Variants in VPS13A observed in about 807,000 individuals in gnomAD.
VPS13A encodes intermembrane lipid transfer protein VPS13A.
Under a neutral mutation model 390.9 loss-of-function variants are expected in VPS13A, and 264 were observed. That is an observed-to-expected ratio of 0.68 (90% CI 0.61 to 0.75). The LOEUF (loss-of-function observed/expected upper bound fraction) is 0.75. Ranked by LOEUF, VPS13A falls within the 30% of genes least tolerant of loss-of-function variation. The pLI is 0.00. For synonymous variants in VPS13A, 1,231 were observed against 1,227.1 expected (o/e 1.00, Z -0.07); for missense variants, 3,409 against 3,733.9 (o/e 0.91, Z 2.27).
intron 17 of VPS13A, among the ~76,000 whole-genome samples, chr9:77,236,080 C>G (rs1484770864): frequency 1.3e-5 from 2 of 152,104 alleles, no homozygotes; most frequent in African/African-American, 4.8e-5. Context: ...GTAGGCTAGG[C>G]TAGGCTATGA....
chr9:77,356,892 A>G (rs763112886), intron 55 of VPS13A, 25 bp downstream of exon 55: 1 of 1,612,360 alleles, frequency 6.2e-7, no homozygotes, highest in Admixed American at 1.7e-5. Flanking sequence ...TACTGATGTG[A>G]AGTTTTAATT....
At chr9:77,348,468 C>T (rs1831283610) in intron 52 of VPS13A, among the ~76,000 whole-genome samples, 1 of 152,048 alleles carries the variant, frequency 6.6e-6, no homozygotes, top group East Asian at 1.9e-4. Flanking sequence ...CTGTTGGGGG[C>T]ATGGTGGCAG....
intron 59 of VPS13A, among the ~76,000 whole-genome samples, chr9:77,363,039 G>C (rs12345933): frequency 6.6e-6 from 1 of 151,866 alleles, no homozygotes; most frequent in Non-Finnish European, 1.5e-5. Context: ...ACATAAGATC[G>C]TGTCATCTGA....
chr9:77,400,668 C>CA (rs796098221), intron 68 of VPS13A, among the ~76,000 whole-genome samples: 60 of 145,934 alleles, frequency 4.1e-4, no homozygotes, highest in Admixed American at 9.6e-4. Context: ...ACTAAAAATA[C>CA]AAAAAAAAAA....
Position 77,200,530 on chromosome 9 carries a change from T to C in VPS13A, c.144+542T>C, listed in dbSNP as rs115002931. ...AAAACAAACATACAAAAAATACAGATGTTTTTATTTCAAATTTTTAACTTG... is the reference window on the plus strand; with the variant it reads ...AAAACAAACATACAAAAAATACAGACGTTTTTATTTCAAATTTTTAACTTG... On this transcript the variant is annotated intron_variant, in intron 2 of 71. Coordinates refer to ENST00000360280, the MANE Select transcript of VPS13A (RefSeq NM_033305.3). Among the ~76,000 whole-genome samples, 1,143 of 152,118 alleles carry C rather than the reference T, an allele frequency of 7.5e-3. 15 individuals carry two copies. Among genetic ancestry groups the C allele is most frequent in the Middle Eastern group, 0.02 (6 of 294 alleles).
intron 68 of VPS13A, among the ~76,000 whole-genome samples, chr9:77,401,419 T>G (rs1167135513): frequency 6.6e-6 from 1 of 151,654 alleles, no homozygotes; most frequent in Non-Finnish European, 1.5e-5. Flanking sequence ...TGATAAATTT[T>G]TATATCCAAG....
intron 62 of VPS13A, among the ~76,000 whole-genome samples, chr9:77,368,955 G>A (rs774887617): frequency 1.6e-4 from 24 of 152,104 alleles, no homozygotes; most frequent in Admixed American, 3.3e-4. Context: ...CCAACATGGC[G>A]AAACCCCATC....
chr9:77,333,333 GATTA>G (rs1325284642), intron 46 of VPS13A, among the ~76,000 whole-genome samples: 1 of 151,158 alleles, frequency 6.6e-6, no homozygotes, highest in African/African-American at 2.4e-5. Flanking sequence ...AATTAGTAGT[GATTA>G]ATTCATCTTA....
At chr9:77,357,928 A>T (rs1248335236) in intron 56 of VPS13A, 90 bp downstream of exon 56, 135 of 757,066 alleles carry the variant, frequency 1.8e-4, no homozygotes, top group Non-Finnish European at 2.5e-4. Context: ...TTTATCTAGT[A>T]TTCAGTTTCA....
At chr9:77,273,209 A>G (rs1445946986) in intron 23 of VPS13A, 71 bp from the exon 24 acceptor site, 3 of 1,205,672 alleles carry the variant, frequency 2.5e-6, no homozygotes, top group Middle Eastern at 1.9e-4. Context: ...AGAACTTTGA[A>G]TAAACATTTT....
intron 71 of VPS13A, among the ~76,000 whole-genome samples, chr9:77,407,830 G>C (rs975819552): frequency 6.6e-6 from 1 of 151,960 alleles, no homozygotes; most frequent in East Asian, 1.9e-4. Flanking sequence ...TTTCAAACCA[G>C]ATTGCTCCAT....
intron 54 of VPS13A, among the ~76,000 whole-genome samples, chr9:77,354,982 T>C (rs1831688459): frequency 6.6e-6 from 1 of 152,196 alleles, no homozygotes; most frequent in Non-Finnish European, 1.5e-5. Context: ...GTCCTCTTCT[T>C]CATCTCTCCT....
chr9:77,213,446 C>T (rs1826083392), intron 9 of VPS13A, 132 bp downstream of exon 9: 2 of 713,834 alleles, frequency 2.8e-6, no homozygotes, highest in Non-Finnish European at 2.4e-6. Flanking sequence ...TTTACAGATA[C>T]AGGTGAAGAT....
intron 67 of VPS13A, among the ~76,000 whole-genome samples, chr9:77,376,571 T>G (rs1327449798): frequency 6.6e-6 from 1 of 152,224 alleles, no homozygotes; most frequent in African/African-American, 2.4e-5. Flanking sequence ...TCGTGAAGAA[T>G]AATTCTAAAG....
intron 71 of VPS13A, among the ~76,000 whole-genome samples, chr9:77,411,534 G>A (rs569464951): frequency 6.6e-6 from 1 of 151,656 alleles, no homozygotes; most frequent in East Asian, 2.0e-4. Flanking sequence ...GAGGTGGCGG[G>A]CGCCTGTAGT....
At chr9:77,261,373 T>C (rs147211999) in intron 23 of VPS13A, among the ~76,000 whole-genome samples, 201 of 152,120 alleles carry the variant, frequency 1.3e-3, no homozygotes, top group African/African-American at 4.6e-3. Flanking sequence ...ATACCATCTT[T>C]TGCTTAATAT....
At chr9:77,189,201 A>G (rs901466969) in intron 1 of VPS13A, among the ~76,000 whole-genome samples, 1 of 146,840 alleles carries the variant, frequency 6.8e-6, no homozygotes, top group Admixed American at 6.9e-5. Context: ...TATGTCCAGC[A>G]TGGTATTCCC....
chr9:77,321,075 A>G, intron 42 of VPS13A, 94 bp from the exon 43 acceptor site: 1 of 1,167,556 alleles, frequency 8.6e-7, no homozygotes, highest in Non-Finnish European at 1.2e-6. Context: ...AAAAGATAAA[A>G]TGTACTGACC....
intron 4 of VPS13A, 108 bp from the exon 5 acceptor site, chr9:77,205,870 A>T: frequency 1.2e-6 from 1 of 819,408 alleles, no homozygotes; most frequent in South Asian, 1.6e-5. Context: ...GATTACAGGC[A>T]TGAGCCACCG....
Sources: allele counts gnomAD v4.1 joint callset (sites outside exome capture counted in the v4.1 genomes callset), GRCh38; gene constraint gnomAD v4.1.1; transcripts MANE v1.5; gene names NCBI Gene and HGNC (gene_info 2026-07-23, HGNC 2026-07-21).